The following ANO10 variants were observed in gnomAD, a reference collection of about 807,000 sequenced individuals.
ANO10 encodes the protein anoctamin 10.
Under a neutral mutation model 74.7 loss-of-function variants are expected in ANO10, and 77 were observed. The observed-to-expected ratio is 1.03, with a 90% CI of 0.86 to 1.25. ANO10 has a LOEUF of 1.25. ANO10 is among the 50% of genes most tolerant of loss of function. The pLI is 0.00. For synonymous variants in ANO10, 279 were observed against 284.9 expected (o/e 0.98, Z 0.21); for missense variants, 721 against 778.1 (o/e 0.93, Z 0.87).
chr3:43,689,028 A>G (rs1259867398), intron 1 of ANO10, among the ~76,000 whole-genome samples: 1 of 152,182 alleles, frequency 6.6e-6, no homozygotes, highest in Non-Finnish European at 1.5e-5. Context: ...GAGCAGGAGC[A>G]AGAGAGTGAG....
At chr3:43,677,934 A>C (rs2084144297) in intron 1 of ANO10, among the ~76,000 whole-genome samples, 1 of 152,242 alleles carries the variant, frequency 6.6e-6, no homozygotes, top group South Asian at 2.1e-4. Context: ...TTCAGACTCA[A>C]GGGAAGGAAA....
chr3:43,605,913 G>A, intron 1 of ANO10, 50 bp from the exon 2 acceptor site: 2 of 1,588,650 alleles, frequency 1.3e-6, no homozygotes, highest in Non-Finnish European at 8.6e-7. Context: ...TTATGGCAAA[G>A]AGAAATATGC....
At chr3:43,397,802 GT>G (rs1376038496) in intron 12 of ANO10, among the ~76,000 whole-genome samples, 3 of 152,212 alleles carry the variant, frequency 2.0e-5, no homozygotes, top group African/African-American at 7.2e-5. Context: ...CTGCCTCTCA[GT>G]GGGGCAAACT....
chr3:43,517,480 T>C (rs1205639725), intron 11 of ANO10, among the ~76,000 whole-genome samples: 1 of 152,122 alleles, frequency 6.6e-6, no homozygotes, highest in African/African-American at 2.4e-5. Flanking sequence ...GTAATTAAAG[T>C]TGAAAGGGGT....
At chr3:43,441,986 A>C (rs1289531705) in intron 11 of ANO10, among the ~76,000 whole-genome samples, 1 of 152,154 alleles carries the variant, frequency 6.6e-6, no homozygotes, top group Non-Finnish European at 1.5e-5. Context: ...AAGTAGGAGT[A>C]AAAAGAAATT....
At chr3:43,679,448 C>T (rs535154582) in intron 1 of ANO10, among the ~76,000 whole-genome samples, 103 of 152,296 alleles carry the variant, frequency 6.8e-4, no homozygotes, top group Admixed American at 7.8e-4. Context: ...CTGGGAAGCT[C>T]GAACTGGGTA....
chr3:43,577,486 G>C (rs1270497499), intron 5 of ANO10, among the ~76,000 whole-genome samples: 1 of 152,084 alleles, frequency 6.6e-6, no homozygotes, highest in South Asian at 2.1e-4. Context: ...TTAGCTGGGG[G>C]GTGTGCTCCG....
intron 11 of ANO10, among the ~76,000 whole-genome samples, chr3:43,535,438 G>A (rs1001916506): frequency 6.6e-6 from 1 of 151,750 alleles, no homozygotes; most frequent in Non-Finnish European, 1.5e-5. Flanking sequence ...ACCATATCCA[G>A]CTAATTTTTG....
chr3:43,427,039 G>T (rs1048249815), intron 12 of ANO10, among the ~76,000 whole-genome samples: 1 of 152,146 alleles, frequency 6.6e-6, no homozygotes, highest in Non-Finnish European at 1.5e-5. Flanking sequence ...CTCCAAATGG[G>T]ATCCAAGGAC....
chr3:43,433,778 T>C (rs1336801586), intron 11 of ANO10, among the ~76,000 whole-genome samples: 1 of 152,182 alleles, frequency 6.6e-6, no homozygotes, highest in Non-Finnish European at 1.5e-5. Flanking sequence ...ATCCAGATCA[T>C]CTTGTGATCC....
intron 12 of ANO10, among the ~76,000 whole-genome samples, chr3:43,431,377 C>T (rs2092978058): frequency 1.3e-5 from 2 of 151,764 alleles, no homozygotes; most frequent in East Asian, 2.0e-4. Flanking sequence ...CCAGCCTAAT[C>T]CTCTGATTTT....
intron 11 of ANO10, among the ~76,000 whole-genome samples, chr3:43,470,836 A>G (rs2075827981): frequency 1.3e-5 from 2 of 151,950 alleles, no homozygotes; most frequent in South Asian, 4.2e-4. Flanking sequence ...CCATGTTGCC[A>G]GGCTAATCTC....
chr3:43,632,057 A>C (rs2083553843), intron 1 of ANO10, among the ~76,000 whole-genome samples: 2 of 149,858 alleles, frequency 1.3e-5, no homozygotes, highest in Non-Finnish European at 3.0e-5. Context: ...TCGGTGACAG[A>C]GTGAGACTCT....
chr3:43,533,414 C>T (rs968135860), intron 11 of ANO10, among the ~76,000 whole-genome samples: 5 of 152,154 alleles, frequency 3.3e-5, no homozygotes, highest in African/African-American at 1.2e-4. Context: ...AAAAAACACT[C>T]GAAAGCTCCC....
chr3:43,602,013 A>G (rs2082356147), intron 2 of ANO10, among the ~76,000 whole-genome samples: 1 of 152,182 alleles, frequency 6.6e-6, no homozygotes, highest in Admixed American at 6.5e-5. Context: ...ATTCCTGCAC[A>G]ACGTTAAGTT....
rs546559643 is a variant in ANO10, at chr3:43,507,783, T to C, written c.1797+41937A>G. Among the ~76,000 whole-genome samples, 14 of 152,182 alleles carry C rather than the reference T, an allele frequency of 9.2e-5. No homozygotes were observed. In the South Asian group the frequency reaches 1.0e-3, roughly 11 times the overall value. On this transcript the variant is annotated intron_variant, in intron 11 of 12. Coordinates refer to ENST00000292246, the MANE Select transcript of ANO10 (RefSeq NM_018075.5). The stretch of plus-strand genomic sequence containing the variant: ...AGGGGGCCGTTCTGTCACTATTAAC[T>C]GTGATAAAAATGAAATGCCATCTGC...
At position 43,445,473 on chromosome 3, in the gene ANO10, A is replaced by G. The variant is rs148537132; in HGVS notation, c.1798-12746T>C. On this transcript the variant is annotated intron_variant, in intron 11 of 12. Coordinates refer to ENST00000292246, the MANE Select transcript of ANO10 (RefSeq NM_018075.5). ...CTTAAAATTAAAAACTTTATTTTAA[A>G]AAGACTTTTACTTTATCATATATAT... is the stretch of plus-strand genomic sequence containing the variant. 5.3e-3 allele frequency among the ~76,000 whole-genome samples: 805 copies of G among 152,290 alleles called. 8 individuals are homozygous for G. Among genetic ancestry groups the G allele is most frequent in the African/African-American group, 0.018 (745 of 41,556 alleles).
chr3:43,557,080 T>C (rs1462661645), intron 9 of ANO10, among the ~76,000 whole-genome samples: 2 of 151,712 alleles, frequency 1.3e-5, no homozygotes, highest in Non-Finnish European at 2.9e-5. Context: ...TTTAAAGAGA[T>C]ACTATTTATA....
At chr3:43,498,550 A>C (rs143788244) in intron 11 of ANO10, among the ~76,000 whole-genome samples, 1 of 152,238 alleles carries the variant, frequency 6.6e-6, no homozygotes, top group Non-Finnish European at 1.5e-5. Context: ...GGGAATAAAC[A>C]CCACCTCCCG....
Sources: allele counts gnomAD v4.1 joint callset (sites outside exome capture counted in the v4.1 genomes callset), GRCh38; gene constraint gnomAD v4.1.1; transcripts MANE v1.5; gene names NCBI Gene and HGNC (gene_info 2026-07-23, HGNC 2026-07-21).